The following OIT3 variants were observed in gnomAD, a reference collection of about 807,000 sequenced individuals.
OIT3 encodes the protein oncoprotein induced transcript 3.
A neutral mutation model predicts 52.2 loss-of-function variants in OIT3; 41 were observed. That is an observed-to-expected ratio of 0.79 (90% CI 0.61 to 1.02). The LOEUF (loss-of-function observed/expected upper bound fraction) is 1.02, where lower values mean the gene tolerates loss of function less well. OIT3 is among the 50% of genes least tolerant of loss of function. The pLI, the probability that OIT3 is intolerant of heterozygous loss-of-function variation, is 0.00. For synonymous variants in OIT3, 244 were observed against 276.9 expected (o/e 0.88, Z 1.18); for missense variants, 634 against 715.5 (o/e 0.89, Z 1.30).
At chr10:72,924,741 A>G (rs1031492934) in intron 7 of OIT3, 97 bp downstream of exon 7, 3 of 974,622 alleles carry the variant, frequency 3.1e-6, no homozygotes, top group Non-Finnish European at 4.5e-6. Flanking sequence ...GCATGGTACC[A>G]CTGTCAGCAA....
intron 1 of OIT3, among the ~76,000 whole-genome samples, chr10:72,896,623 G>T (rs939010089): frequency 1.3e-5 from 2 of 152,204 alleles, no homozygotes; most frequent in Non-Finnish European, 1.5e-5. Context: ...CTGAAGTTTA[G>T]AGAGTAAACT....
chr10:72,910,203 T>C (rs980639128), intron 4 of OIT3, among the ~76,000 whole-genome samples: 5 of 152,190 alleles, frequency 3.3e-5, no homozygotes, highest in African/African-American at 4.8e-5. Context: ...CTCAGAGAAA[T>C]AAAATGACTT....
In OIT3 at chr10:72,898,999, C is replaced by T. The variant is rs867200740; in HGVS notation, c.397C>T (p.Leu133=). 1.2e-6 allele frequency: 2 copies of T among 1,613,022 alleles called. No individual in the cohort carries two copies. The highest frequency in any genetic ancestry group is 1.7e-6 in the Non-Finnish European group (2 of 1,179,244). The change falls in exon 2 of 9, where the codon CTG becomes TTG. Residue 133 remains leucine, a synonymous_variant. Coordinates refer to ENST00000334011, the MANE Select transcript of OIT3 (RefSeq NM_152635.3). ...ACPGGYYVYR[L]TKPSVCFHVY... ...CCCTGGAGGCTACTATGTGTATCGT[C>T]TGACCAAGCCCAGCGTCTGCTTCCA...
chr10:72,929,219 GAAGAA>G (rs1265681706), intron 7 of OIT3, among the ~76,000 whole-genome samples: 6 of 150,938 alleles, frequency 4.0e-5, no homozygotes, highest in African/African-American at 4.9e-5. Flanking sequence ...CAAAAAAAAA[GAAGAA>G]AAGAAAAGAA....
At chr10:72,897,706 T>C (rs934469363) in intron 1 of OIT3, among the ~76,000 whole-genome samples, 2 of 152,232 alleles carry the variant, frequency 1.3e-5, no homozygotes, top group Non-Finnish European at 1.5e-5. Flanking sequence ...AATACTTTTT[T>C]GAAAATTTCC....
intron 1 of OIT3, among the ~76,000 whole-genome samples, chr10:72,896,071 A>G (rs1405207305): frequency 6.6e-6 from 1 of 152,168 alleles, no homozygotes; most frequent in Non-Finnish European, 1.5e-5. Flanking sequence ...AGAAGATGGT[A>G]GATAAACTTT....
Position 72,925,761 on chromosome 10 carries a change from G to A in OIT3, c.1367+1117G>A, listed in dbSNP as rs778347537. On this transcript the variant is annotated intron_variant, in intron 7 of 8. Transcript: ENST00000334011. ...CAAGTAGCCAGGACCATATGCGCAC[G>A]ACCATGCCCAGCTAATTCTTTTTTT... Among the ~76,000 whole-genome samples the A allele has an allele frequency of 1.1e-4, 16 of 152,022 alleles. No individual in the cohort carries two copies. In the South Asian group the frequency reaches 1.9e-3, roughly 18 times the overall value.
In OIT3 at chr10:72,929,823, G is replaced by A. The variant is rs578067389; in HGVS notation, c.1368-715G>A. On this transcript the variant is annotated intron_variant, in intron 7 of 8. Transcript: ENST00000334011. The stretch of plus-strand genomic sequence containing the variant: ...CTGCCAGAGTGCTGGGATTACAGGC[G>A]TGAGCCACCTCGCCCAGCCAGGAGT... Among the ~76,000 whole-genome samples the A allele has an allele frequency of 5.9e-5, 9 of 152,220 alleles. No homozygotes were observed. The East Asian group carries it at 1.3e-3, about 23-fold the overall frequency.
chr10:72,909,590 T>C (rs2132934679), intron 4 of OIT3, among the ~76,000 whole-genome samples: 1 of 152,178 alleles, frequency 6.6e-6, no homozygotes, highest in Non-Finnish European at 1.5e-5. Flanking sequence ...ACTTATTTTG[T>C]ATTTATTATT....
Position 72,913,407 on chromosome 10 carries a change from T to C in OIT3, c.890T>C (p.Val297Ala). ...CTGACCAACACCTCCTGCCGAGGAG[T>C]GTCCAACGGCACCCATGTCAACATC... is the stretch of plus-strand genomic sequence containing the variant. ...LFLTNTSCRGVSNGTHVNILF... is the reference protein window; with the variant it reads ...LFLTNTSCRGASNGTHVNILF... The change falls in exon 6 of 9, where the codon GTG becomes GCG. Residue 297 changes from valine to alanine, a missense_variant. Physicochemically the swap from Val to Ala is moderately conservative, Grantham distance 64. Transcript: ENST00000334011. 6.2e-7 allele frequency: 1 copy of C among 1,613,018 alleles called. No individual in the cohort carries two copies. The highest frequency in any genetic ancestry group is 8.5e-7 in the Non-Finnish European group (1 of 1,179,302).
At chr10:72,895,342 A>G (rs1184610360) in intron 1 of OIT3, among the ~76,000 whole-genome samples, 1 of 151,918 alleles carries the variant, frequency 6.6e-6, no homozygotes, top group Non-Finnish European at 1.5e-5. Context: ...AGTACCTCCT[A>G]TATTCCCCAT....
In OIT3 at chr10:72,900,290, C is replaced by G. The variant is rs539178715; in HGVS notation, c.437-87C>G. 1,108 of 729,170 alleles carry G rather than the reference C, an allele frequency of 1.5e-3. 4 individuals carry two copies. Among genetic ancestry groups the G allele is most frequent in the Non-Finnish European group, 2.2e-3 (925 of 428,536 alleles). The allele number at this position is 729,170 out of a possible 1,614,324, so 45.2% of individuals were successfully genotyped here. On this transcript the variant is annotated intron_variant, in intron 2 of 8. Coordinates refer to ENST00000334011, the MANE Select transcript of OIT3 (RefSeq NM_152635.3). ...TGGGCAACATAGGGATACCACCCCC[C>G]CCGACCCCCCGCACCATCTCTAAAA...
At chr10:72,897,093 G>A (rs1371721798) in intron 1 of OIT3, among the ~76,000 whole-genome samples, 2 of 151,904 alleles carry the variant, frequency 1.3e-5, no homozygotes, top group East Asian at 1.9e-4. Flanking sequence ...GTGTGGTCTC[G>A]GCTCCCTGCA....
intron 6 of OIT3, 119 bp from the exon 7 acceptor site, chr10:72,924,110 G>A: frequency 1.1e-6 from 1 of 891,606 alleles, no homozygotes; most frequent in Non-Finnish European, 1.7e-6. Context: ...TCATCCTTAG[G>A]CAACCAAATC....
chr10:72,918,595 A>G, intron 6 of OIT3: 1 of 782,222 alleles, frequency 1.3e-6, no homozygotes, highest in Non-Finnish European at 2.3e-6. Flanking sequence ...ACCACTGCTC[A>G]AGAGAACAGC....
intron 1 of OIT3, among the ~76,000 whole-genome samples, chr10:72,897,748 G>C (rs906121582): frequency 6.6e-6 from 1 of 152,158 alleles, no homozygotes; most frequent in Non-Finnish European, 1.5e-5. Context: ...CTGTGACACA[G>C]CCTCTCCATG....
At chr10:72,913,634 G>T (rs1335809600) in intron 6 of OIT3, 166 bp downstream of exon 6, 1 of 707,364 alleles carries the variant, frequency 1.4e-6, no homozygotes, top group African/African-American at 1.7e-5. Context: ...GTGTTATTGA[G>T]CATCTGCTGT....
intron 7 of OIT3, among the ~76,000 whole-genome samples, chr10:72,925,795 C>T (rs967926775): frequency 2.6e-5 from 4 of 152,060 alleles, no homozygotes; most frequent in African/African-American, 7.2e-5. Context: ...TTTCTAGAGA[C>T]GAGGTCTCAC....
At chr10:72,904,483 A>C (rs1013724588) in intron 3 of OIT3, among the ~76,000 whole-genome samples, 1 of 152,196 alleles carries the variant, frequency 6.6e-6, no homozygotes, top group Non-Finnish European at 1.5e-5. Context: ...CTTTCCAGGC[A>C]GTATAATGAG....
Sources: allele counts gnomAD v4.1 joint callset (sites outside exome capture counted in the v4.1 genomes callset), GRCh38; gene constraint gnomAD v4.1.1; transcripts MANE v1.5; gene names NCBI Gene and HGNC (gene_info 2026-07-23, HGNC 2026-07-21).